GDAP1: variants seen among roughly 807,000 people sequenced by gnomAD.
GDAP1 encodes ganglioside-induced differentiation-associated protein 1.
Under a neutral mutation model 40.1 loss-of-function variants are expected in GDAP1, and 34 were observed. The observed-to-expected ratio is 0.85, with a 90% confidence interval of 0.64 to 1.13. The LOEUF (loss-of-function observed/expected upper bound fraction) is 1.13. GDAP1 is among the 50% of genes most tolerant of loss of function. GDAP1 has a pLI of 0.00. For synonymous variants in GDAP1, 170 were observed against 157.4 expected (o/e 1.08, Z -0.60); for missense variants, 374 against 433.7 (o/e 0.86, Z 1.22).
chr8:74,402,612 A>G (rs1810367250), intron 2 of GDAP1, among the ~76,000 whole-genome samples: 1 of 150,322 alleles, frequency 6.7e-6, no homozygotes, highest in Admixed American at 6.6e-5. Flanking sequence ...CTGGTACCTG[A>G]GATGGAAATG....
rs79562537 is a variant in GDAP1, at chr8:74,435,694, A to G, written c.166-52984A>G. Among the ~76,000 whole-genome samples the G allele has an allele frequency of 5.9e-3, 902 of 152,318 alleles. 6 individuals are homozygous for G. The highest frequency in any genetic ancestry group is 0.021 in the African/African-American group (869 of 41,556). Reference sequence around the variant, plus strand: ...ATGTAAACATTGAATTTGGTTGTCAATGATTTCCATATTGAATCTCACAAA... The same window carrying G: ...ATGTAAACATTGAATTTGGTTGTCAGTGATTTCCATATTGAATCTCACAAA... On this transcript the variant is annotated intron_variant, in intron 2 of 2. Coordinates refer to the GDAP1 transcript ENST00000523640.
chr8:74,467,211 A>G (rs1056539569), intron 2 of GDAP1, among the ~76,000 whole-genome samples: 1 of 152,174 alleles, frequency 6.6e-6, no homozygotes. Flanking sequence ...GAAGGGATAG[A>G]ATAGCTGTCT....
At chr8:74,487,983 G>T (rs547852226) in intron 2 of GDAP1, among the ~76,000 whole-genome samples, 1 of 152,226 alleles carries the variant, frequency 6.6e-6, no homozygotes, top group South Asian at 2.1e-4. Context: ...CAACAGACTT[G>T]TTCATATGCC....
intron 2 of GDAP1, among the ~76,000 whole-genome samples, chr8:74,480,340 C>A (rs1806695814): frequency 6.6e-6 from 1 of 152,130 alleles, no homozygotes; most frequent in South Asian, 2.1e-4. Flanking sequence ...GCTATTTTTG[C>A]AGTCAGACAC....
At chr8:74,395,649 G>C (rs1810186309) in intron 2 of GDAP1, among the ~76,000 whole-genome samples, 1 of 152,170 alleles carries the variant, frequency 6.6e-6, no homozygotes, top group Non-Finnish European at 1.5e-5. Flanking sequence ...ATGTATGTGG[G>C]CGTGTCTGCA....
intron 2 of GDAP1, among the ~76,000 whole-genome samples, chr8:74,481,037 G>A (rs1198379318): frequency 6.6e-6 from 1 of 152,182 alleles, no homozygotes; most frequent in Non-Finnish European, 1.5e-5. Flanking sequence ...AGTACTTTAT[G>A]TATTTTAAAT....
At chr8:74,379,025 TCCTCTTGG>T (rs1483082442) in intron 2 of GDAP1, among the ~76,000 whole-genome samples, 2 of 152,168 alleles carry the variant, frequency 1.3e-5, no homozygotes, top group Non-Finnish European at 2.9e-5. Context: ...GGAGGGCATG[TCCTCTTGG>T]CCCTATGGAC....
Position 74,364,568 on chromosome 8 carries a change from C to A in GDAP1, c.*201C>A. On this transcript the variant is annotated 3_prime_UTR_variant, in exon 6 of 6. Transcript: ENST00000220822. ...TTATTCTACAACTGCCAGCTCCAGG[C>A]AGAAATAGGAAGGCAAAGAGATAAG... 1.5e-6 allele frequency: 1 copy of A among 689,400 alleles called. No homozygotes were observed. The allele number at this position is 689,400 out of a possible 1,614,324, so 42.7% of individuals were successfully genotyped here. A position where few individuals can be genotyped will look rare whatever the true frequency, so the allele number is the denominator to read the frequency against.
intron 2 of GDAP1, among the ~76,000 whole-genome samples, chr8:74,452,754 A>C (rs1806303368): frequency 1.2e-5 from 1 of 83,498 alleles, no homozygotes; most frequent in Admixed American, 1.2e-4. Context: ...CTACCATTTG[A>C]ATCATCTTGG....
chr8:74,393,732 GA>G (rs1226183168), intron 2 of GDAP1, among the ~76,000 whole-genome samples: 1 of 152,036 alleles, frequency 6.6e-6, no homozygotes, highest in East Asian at 1.9e-4. Flanking sequence ...AACTAATTAT[GA>G]AAAAAACTAT....
chr8:74,390,758 T>G (rs1810096443), intron 2 of GDAP1, among the ~76,000 whole-genome samples: 1 of 152,184 alleles, frequency 6.6e-6, no homozygotes, highest in Admixed American at 6.5e-5. Flanking sequence ...GCAGGAATGT[T>G]TAAGTCTGTG....
intron 2 of GDAP1, among the ~76,000 whole-genome samples, chr8:74,463,675 G>T (rs914689038): frequency 6.6e-6 from 1 of 152,114 alleles, no homozygotes; most frequent in Non-Finnish European, 1.5e-5. Context: ...GCTTTGGAGA[G>T]AAACTGTCTA....
chr8:74,464,404 C>T (rs1490536608), intron 2 of GDAP1, among the ~76,000 whole-genome samples: 1 of 152,060 alleles, frequency 6.6e-6, no homozygotes, highest in Non-Finnish European at 1.5e-5. Flanking sequence ...TAGTGGTTTG[C>T]TTGGTTTTCT....
chr8:74,445,300 T>C (rs1269416785), intron 2 of GDAP1, among the ~76,000 whole-genome samples: 1 of 152,200 alleles, frequency 6.6e-6, no homozygotes, highest in Non-Finnish European at 1.5e-5. Context: ...ATTGCATCTT[T>C]TATAACCTTC....
chr8:74,361,562 A>C (rs1809364868), intron 3 of GDAP1, among the ~76,000 whole-genome samples: 1 of 151,960 alleles, frequency 6.6e-6, no homozygotes, highest in Non-Finnish European at 1.5e-5. Context: ...ACGCCCAGAC[A>C]ATTTTTGTAT....
chr8:74,479,778 A>C (rs1806683140), intron 2 of GDAP1, among the ~76,000 whole-genome samples: 1 of 152,062 alleles, frequency 6.6e-6, no homozygotes, highest in African/African-American at 2.4e-5. Flanking sequence ...TAGGCCAAAA[A>C]TCCTTCATTA....
chr8:74,396,399 A>G (rs1810200017), intron 2 of GDAP1, among the ~76,000 whole-genome samples: 1 of 151,600 alleles, frequency 6.6e-6, no homozygotes, highest in Non-Finnish European at 1.5e-5. Context: ...GTACATGTGC[A>G]CAATATGCAG....
chr8:74,399,286 A>G (rs1287851127), intron 2 of GDAP1, among the ~76,000 whole-genome samples: 2 of 149,884 alleles, frequency 1.3e-5, no homozygotes, highest in Non-Finnish European at 2.9e-5. Context: ...GGGAGGGCGT[A>G]TGTGTCAAGG....
At chr8:74,355,299 A>G (rs1809045326) in intron 2 of GDAP1, among the ~76,000 whole-genome samples, 1 of 152,186 alleles carries the variant, frequency 6.6e-6, no homozygotes, top group Non-Finnish European at 1.5e-5. Flanking sequence ...TTTATTGGGT[A>G]TTAATTTGGT....
Sources: gnomAD v4.1 joint callset for allele counts (sites outside exome capture counted in the v4.1 genomes callset) on GRCh38, gnomAD v4.1.1 for gene constraint, MANE v1.5 for transcripts, NCBI Gene and HGNC (gene_info 2026-07-23, HGNC 2026-07-21) for gene names.